Variants in KIAA1958 observed in about 807,000 individuals in gnomAD.
KIAA1958 encodes the protein KIAA1958, also known as uncharacterized protein KIAA1958.
Under a neutral mutation model 47.2 loss-of-function variants are expected in KIAA1958, and 14 were observed. The ratio of observed to expected loss-of-function variants is 0.30; its 90% confidence interval spans 0.20 to 0.46. The LOEUF is 0.46. Ranked by LOEUF, KIAA1958 falls within the 20% of genes least tolerant of loss-of-function variation. KIAA1958 has a pLI of 1.00. For missense variants in KIAA1958, 803 were observed against 909.2 expected, an observed-to-expected ratio of 0.88 and a Z score of 1.50; for synonymous variants, 354 against 353.3, an observed-to-expected ratio of 1.00 and a Z score of -0.02.
chr9:112,581,110 G>A (rs1369225537), intron 2 of KIAA1958, among the ~76,000 whole-genome samples: 2 of 152,022 alleles, frequency 1.3e-5, no homozygotes, highest in Non-Finnish European at 2.9e-5. Flanking sequence ...ATGTATTTGA[G>A]TTTATTCCTT....
At chr9:112,642,937 C>G (rs2131240743) in intron 2 of KIAA1958, among the ~76,000 whole-genome samples, 1 of 152,244 alleles carries the variant, frequency 6.6e-6, no homozygotes, top group African/African-American at 2.4e-5. Flanking sequence ...TCACTGTGTA[C>G]TGGGATTTAG....
At chr9:112,508,897 C>A (rs1016164916) in intron 1 of KIAA1958, among the ~76,000 whole-genome samples, 8 of 152,010 alleles carry the variant, frequency 5.3e-5, no homozygotes, top group Non-Finnish European at 2.9e-5. Context: ...CTTTTATAGG[C>A]CATTCACTAA....
chr9:112,560,415 C>G (rs992132816), intron 1 of KIAA1958, among the ~76,000 whole-genome samples: 14 of 152,012 alleles, frequency 9.2e-5, no homozygotes, highest in African/African-American at 3.4e-4. Context: ...GTCTCAAACT[C>G]TTGGCCTCAA....
intron 3 of KIAA1958, among the ~76,000 whole-genome samples, chr9:112,648,339 C>T (rs1448694274): frequency 6.6e-6 from 1 of 152,120 alleles, no homozygotes; most frequent in African/African-American, 2.4e-5. Flanking sequence ...CCAGAGAGAC[C>T]AACATGGCTA....
chr9:112,534,554 T>C (rs1318365220), intron 1 of KIAA1958, among the ~76,000 whole-genome samples: 1 of 152,106 alleles, frequency 6.6e-6, no homozygotes, highest in Admixed American at 6.5e-5. Context: ...TTTTTCTTTT[T>C]TTTTTTGAGA....
At chr9:112,621,230 A>C (rs1302844019) in intron 2 of KIAA1958, among the ~76,000 whole-genome samples, 1 of 152,100 alleles carries the variant, frequency 6.6e-6, no homozygotes, top group African/African-American at 2.4e-5. Context: ...ACACCCATAC[A>C]TTTGGAGCCA....
In KIAA1958 at chr9:112,594,710, G is replaced by A. The variant is rs137984041; in HGVS notation, c.1171+19459G>A. On this transcript the variant is annotated intron_variant, in intron 2 of 3. Transcript: ENST00000337530. ...TGAATAGTCATATACAGGCTCTTGG[G>A]TGGATAGGTTTTTCAATTATCTTGG... Among the ~76,000 whole-genome samples the A allele has an allele frequency of 4.3e-4, 66 of 152,280 alleles. 1 individual carries two copies. The East Asian group carries it at 0.012, about 28-fold the overall frequency.
intron 3 of KIAA1958, among the ~76,000 whole-genome samples, chr9:112,658,695 G>C (rs139994886): frequency 0.019 from 2,866 of 152,050 alleles, 76 homozygotes; most frequent in African/African-American, 0.054. Flanking sequence ...CGTGGTGGCT[G>C]ACGCCTGTAA....
chr9:112,653,599 G>C (rs1283305645), intron 3 of KIAA1958, among the ~76,000 whole-genome samples: 2 of 152,084 alleles, frequency 1.3e-5, no homozygotes, highest in African/African-American at 4.8e-5. Context: ...CACTAAGCCA[G>C]TGAGAACCTA....
chr9:112,521,008 AT>A (rs1332912233), intron 1 of KIAA1958, among the ~76,000 whole-genome samples: 1 of 151,914 alleles, frequency 6.6e-6, no homozygotes, highest in East Asian at 1.9e-4. Context: ...TCTCCTTTAC[AT>A]TATAAGCCTT....
chr9:112,573,725 A>C (rs1169651263), intron 1 of KIAA1958, among the ~76,000 whole-genome samples: 10 of 152,216 alleles, frequency 6.6e-5, no homozygotes, highest in South Asian at 4.1e-4. Context: ...CTTTGGAAGT[A>C]AAATGTACCA....
At chr9:112,547,010 G>T (rs540409870) in intron 1 of KIAA1958, among the ~76,000 whole-genome samples, 1 of 71,020 alleles carries the variant, frequency 1.4e-5, no homozygotes, top group Non-Finnish European at 2.6e-5. Context: ...GGTGTGATCT[G>T]CAACCTACGC....
chr9:112,526,357 A>C (rs1263078663), intron 1 of KIAA1958, among the ~76,000 whole-genome samples: 1 of 151,928 alleles, frequency 6.6e-6, no homozygotes, highest in Non-Finnish European at 1.5e-5. Context: ...GGGTTCAAGC[A>C]ATTCCCATGC....
At chr9:112,488,293 G>A (rs1833905826) in intron 1 of KIAA1958, among the ~76,000 whole-genome samples, 1 of 152,118 alleles carries the variant, frequency 6.6e-6, no homozygotes, top group South Asian at 2.1e-4. Flanking sequence ...GCATGGATAT[G>A]GATACAGTGT....
rs534284689 is a variant in KIAA1958, at chr9:112,538,343, C to A, written c.-24-35714C>A. Among the ~76,000 whole-genome samples the A allele has an allele frequency of 4.0e-5, 6 of 151,406 alleles. No individual in the cohort carries two copies. In the South Asian group the frequency reaches 1.3e-3, roughly 32 times the overall value. ...CTCCAGCTTGGGTGACAAAGCAAGA[C>A]CCTGTCTCAAAAAAAAGAAAGAAAG... On this transcript the variant is annotated intron_variant, in intron 1 of 3. Coordinates refer to ENST00000337530, the MANE Select transcript of KIAA1958 (RefSeq NM_133465.4).
chr9:112,562,948 G>A (rs951553897), intron 1 of KIAA1958, among the ~76,000 whole-genome samples: 1 of 151,472 alleles, frequency 6.6e-6, no homozygotes, highest in Admixed American at 6.6e-5. Context: ...TTACAGGCAT[G>A]AGCCACCTAG....
rs1364271251 is a variant in KIAA1958, at chr9:112,618,028, C to G, written c.1172-27622C>G. The G allele has an allele frequency of 1.1e-5, 17 of 1,550,442 alleles. No individual in the cohort carries two copies. The Admixed American group carries it at 3.3e-4, about 30-fold the overall frequency. ...TCATCCCTTGCAAGGAGTTGGATGC[C>G]TACCTTGCCTCTTTCTTTGTTGATG... On this transcript the variant is annotated intron_variant, in intron 2 of 3. Transcript: ENST00000337530. This position sits in a 1 kb window ranked among gnomAD's most constrained non-coding sequence, Gnocchi z 7.1.
Position 112,659,334 on chromosome 9 carries a change from C to T in KIAA1958, c.1416C>T (p.Asp472=). 1 of 1,614,074 alleles carries T rather than the reference C, an allele frequency of 6.2e-7. No individual in the cohort carries two copies. The highest frequency in any genetic ancestry group is 2.2e-5 in the East Asian group (1 of 44,860). ...CCGTCAAGAAGAGCGACGGCTCGGACTTCCTGGCCACCTCGCTCCATGCTA... is the reference window on the plus strand; with the variant it reads ...CCGTCAAGAAGAGCGACGGCTCGGATTTCCTGGCCACCTCGCTCCATGCTA... ...YVTVKKSDGS[D]FLATSLHAIR... The change falls in exon 4 of 4, where the codon GAC becomes GAT. Residue 472 remains aspartate, a synonymous_variant. Coordinates refer to ENST00000337530, the MANE Select transcript of KIAA1958 (RefSeq NM_133465.4).
chr9:112,556,433 C>G (rs1835243904), intron 1 of KIAA1958, among the ~76,000 whole-genome samples: 1 of 152,212 alleles, frequency 6.6e-6, no homozygotes, highest in Non-Finnish European at 1.5e-5. Flanking sequence ...AATTCACAAG[C>G]TTTGCTCTCC....
Sources: allele counts gnomAD v4.1 joint callset (sites outside exome capture counted in the v4.1 genomes callset), GRCh38; gene constraint gnomAD v4.1.1; non-coding constraint Gnocchi (gnomAD v3.1); transcripts MANE v1.5; gene names NCBI Gene and HGNC (gene_info 2026-07-23, HGNC 2026-07-21).